WDR43: variants seen among roughly 807,000 people sequenced by gnomAD.
WDR43 encodes the protein WD repeat domain 43.
Under a neutral mutation model 91.4 loss-of-function variants are expected in WDR43, and 13 were observed. The ratio of observed to expected loss-of-function variants is 0.14; its 90% CI spans 0.09 to 0.23. WDR43 has a LOEUF of 0.23. Among genes scored for constraint, WDR43 ranks in the 10% least tolerant of loss-of-function variants. WDR43 has a pLI of 1.00. For missense variants in WDR43, 780 were observed against 809.4 expected, an observed-to-expected ratio of 0.96 and a Z score of 0.44; for synonymous variants, 331 against 287.9, an observed-to-expected ratio of 1.15 and a Z score of -1.51.
rs1336051019 is a variant in WDR43, at chr2:28,914,173, A to G, written c.711A>G (p.Leu237=). ...PFDGITGLYF[L]SGAVHDRLLN... ...ATGGAATTACAGGTCTTTATTTCTT[A>G]TCTGGAGCAGTACATGACCGGTTAC... Residue 237 remains leucine, a synonymous_variant, in exon 5 of 18, where the codon TTA becomes TTG. Transcript: ENST00000407426. The G allele has an allele frequency of 6.2e-7, 1 of 1,613,874 alleles. No individual in the cohort carries two copies.
chr2:28,922,882 T>A, intron 6 of WDR43, 37 bp from the exon 7 acceptor site: 1 of 1,592,714 alleles, frequency 6.3e-7, no homozygotes, highest in Non-Finnish European at 8.6e-7. Context: ...TGGAGTATGT[T>A]ATCCATTATA....
intron 8 of WDR43, 52 bp from the exon 9 acceptor site, chr2:28,926,416 C>CTTTTTTTTTTTTTT: frequency 8.2e-7 from 1 of 1,222,470 alleles, no homozygotes; most frequent in Non-Finnish European, 1.1e-6. Flanking sequence ...GTTTGACACT[C>CTTTTTTTTTTTTTT]TTTTTTTTTT....
chr2:28,914,264 T>C (rs890089000), intron 5 of WDR43, 56 bp downstream of exon 5: 1 of 1,523,796 alleles, frequency 6.6e-7, no homozygotes, highest in Non-Finnish European at 8.8e-7. Flanking sequence ...TCAGAGCTTA[T>C]GTAGTTAATG....
chr2:28,900,086 A>G (rs1670551207), intron 1 of WDR43, among the ~76,000 whole-genome samples: 1 of 152,362 alleles, frequency 6.6e-6, no homozygotes, highest in Middle Eastern at 3.4e-3. Context: ...GCAATAAAGC[A>G]TACGCATATT....
rs1370563296 is a variant in WDR43, at chr2:28,947,855, T to C, written c.*1076T>C. 2 of 145,890 alleles carry C rather than the reference T, an allele frequency of 1.4e-5. No homozygotes were observed. The highest frequency in any genetic ancestry group is 5.0e-5 in the African/African-American group (2 of 39,880). 9.0% of individuals were successfully genotyped at this position (145,890 alleles called of 1,614,324 possible). A position where few individuals can be genotyped will look rare whatever the true frequency, so the allele number is the denominator to read the frequency against. ...GTGCTACAAAAGCCTTTGCAAATTA[T>C]CAGTAGTAGTTTTTTTTTTTTTTTT... On this transcript the variant is annotated 3_prime_UTR_variant, in exon 18 of 18. Coordinates refer to ENST00000407426, the MANE Select transcript of WDR43 (RefSeq NM_015131.3).
At chr2:28,924,398 G>T (rs1488182479) in intron 7 of WDR43, among the ~76,000 whole-genome samples, 1 of 152,158 alleles carries the variant, frequency 6.6e-6, no homozygotes, top group African/African-American at 2.4e-5. Flanking sequence ...ACGAAAAAGG[G>T]ATAGACTATT....
At chr2:28,916,371 C>T (rs969775321) in intron 5 of WDR43, among the ~76,000 whole-genome samples, 1 of 151,824 alleles carries the variant, frequency 6.6e-6, no homozygotes, top group Non-Finnish European at 1.5e-5. Flanking sequence ...TGCATTTTTA[C>T]CAGCAGTGTA....
intron 14 of WDR43, among the ~76,000 whole-genome samples, chr2:28,939,056 GT>G (rs5830096): frequency 0.011 from 810 of 72,976 alleles, 141 homozygotes; most frequent in Non-Finnish European, 0.021. Flanking sequence ...GGTGAGAGGG[GT>G]TTTTGGGAGG....
intron 7 of WDR43, among the ~76,000 whole-genome samples, chr2:28,924,187 C>A (rs1302215894): frequency 6.6e-6 from 1 of 152,106 alleles, no homozygotes; most frequent in Non-Finnish European, 1.5e-5. Flanking sequence ...GTTGACAGAT[C>A]AGAGTGTCAG....
At chr2:28,912,297 A>G (rs1354826253) in intron 3 of WDR43, among the ~76,000 whole-genome samples, 1 of 152,064 alleles carries the variant, frequency 6.6e-6, no homozygotes, top group Non-Finnish European at 1.5e-5. Flanking sequence ...ACAACTACCC[A>G]TTTTACATTC....
At chr2:28,901,081 C>A (rs543477576) in intron 1 of WDR43, among the ~76,000 whole-genome samples, 1 of 152,212 alleles carries the variant, frequency 6.6e-6, no homozygotes, top group East Asian at 1.9e-4. Context: ...TAAGATCCTG[C>A]ACTATTAAGA....
chr2:28,909,969 A>C (rs1473641701), intron 3 of WDR43, among the ~76,000 whole-genome samples: 1 of 152,216 alleles, frequency 6.6e-6, no homozygotes, highest in East Asian at 1.9e-4. Flanking sequence ...GTCAAATGCC[A>C]ATATGTGTAT....
chr2:28,916,163 CAG>C (rs1037319409), intron 5 of WDR43, among the ~76,000 whole-genome samples: 2 of 152,266 alleles, frequency 1.3e-5, no homozygotes, highest in Admixed American at 1.3e-4. Flanking sequence ...TGTAATCTCT[CAG>C]AGACTTGTTG....
chr2:28,936,553 T>G (rs1052125938), intron 12 of WDR43, among the ~76,000 whole-genome samples: 39 of 152,220 alleles, frequency 2.6e-4, no homozygotes, highest in African/African-American at 9.4e-4. Context: ...ATTTAACTCT[T>G]TTAAAGTATA....
intron 3 of WDR43, among the ~76,000 whole-genome samples, chr2:28,911,911 A>G (rs951435287): frequency 1.2e-4 from 19 of 152,200 alleles, no homozygotes; most frequent in African/African-American, 4.6e-4. Context: ...GGCATGAGCC[A>G]CCATGCCCTG....
At chr2:28,913,627 AG>A in intron 4 of WDR43, 1 of 517,900 alleles carries the variant, frequency 1.9e-6, no homozygotes, top group Non-Finnish European at 3.9e-6. Context: ...TTTTTGGAGG[AG>A]GAAAAAGCTT....
rs1671347611 is a variant in WDR43, at chr2:28,936,967, G to A, written c.1556+14G>A. 10 of 1,565,316 alleles carry A rather than the reference G, an allele frequency of 6.4e-6. No individual in the cohort carries two copies. The highest frequency in any genetic ancestry group is 8.7e-6 in the Non-Finnish European group (10 of 1,154,290). On this transcript the variant is annotated intron_variant, in intron 13 of 17. Transcript: ENST00000407426. ...ACATCCTAATAGGTAAGATTAAACA[G>A]GTGACTTAAAAACAGTGTTGTCTGA...
At chr2:28,916,638 C>T (rs561857215) in intron 5 of WDR43, among the ~76,000 whole-genome samples, 1 of 152,230 alleles carries the variant, frequency 6.6e-6, no homozygotes, top group Admixed American at 6.5e-5. Context: ...CCCACACATC[C>T]CTGCACCCAC....
rs1671561973 is a variant in WDR43 at position 28,947,360 on chromosome 2, A to G, written c.*581A>G. 1 of 152,214 alleles carries G rather than the reference A, an allele frequency of 6.6e-6. No individual in the cohort carries two copies. The highest frequency in any genetic ancestry group is 2.4e-5 in the African/African-American group (1 of 41,456). The allele number at this position is 152,214 out of a possible 1,614,324, so 9.4% of individuals were successfully genotyped here. A position where few individuals can be genotyped will look rare whatever the true frequency, so the allele number is the denominator to read the frequency against. The stretch of plus-strand genomic sequence containing the variant: ...GATAATCTGACTTGAGTCAGATTGA[A>G]TATTTGGAGTGCTTCCCCAGAATAA... On this transcript the variant is annotated 3_prime_UTR_variant, in exon 18 of 18. Coordinates refer to ENST00000407426, the MANE Select transcript of WDR43 (RefSeq NM_015131.3).
Sources: gnomAD v4.1 joint callset for allele counts (sites outside exome capture counted in the v4.1 genomes callset) on GRCh38, gnomAD v4.1.1 for gene constraint, MANE v1.5 for transcripts, NCBI Gene and HGNC (gene_info 2026-07-23, HGNC 2026-07-21) for gene names.